The following CNTN4 variants were observed in gnomAD, a reference collection of about 807,000 sequenced individuals.
CNTN4 encodes the protein contactin-4.
A neutral mutation model predicts 122.5 loss-of-function variants in CNTN4; 77 were observed. That is an observed-to-expected ratio of 0.63 (90% confidence interval 0.52 to 0.76). CNTN4 has a LOEUF of 0.76. CNTN4 is among the 30% of genes least tolerant of loss of function. The probability of loss-of-function intolerance (pLI) is 0.00; values close to 1 mark genes in which losing one functional copy is unlikely to be tolerated. For synonymous variants in CNTN4, 512 were observed against 447.0 expected (o/e 1.15, Z -1.83); for missense variants, 1,256 against 1,259.1 (o/e 1.00, Z 0.04).
At chr3:2,435,219 C>T (rs1453922507) in intron 3 of CNTN4, among the ~76,000 whole-genome samples, 1 of 152,082 alleles carries the variant, frequency 6.6e-6, no homozygotes, top group Admixed American at 6.6e-5. Flanking sequence ...ACAGTCATCC[C>T]TCAGTGTCTG....
intron 4 of CNTN4, among the ~76,000 whole-genome samples, chr3:2,670,883 T>G (rs1006070472): frequency 3.6e-4 from 55 of 152,306 alleles, no homozygotes; most frequent in Admixed American, 7.8e-4. Context: ...GAAATTCTGG[T>G]TTGAAAATTC....
chr3:3,053,938 C>T lies in CNTN4; in HGVS notation c.2943C>T (p.Gly981=), dbSNP rs764570000. The change falls in exon 24 of 25, where the codon GGC becomes GGT. Residue 981 remains glycine (G), a synonymous_variant. Coordinates refer to ENST00000418658, the MANE Select transcript of CNTN4 (RefSeq NM_175607.3). ...EIKPFSDGGD[G]SSSEQIRIPK... Reference sequence around the variant, plus strand: ...AGCCATTCAGCGACGGAGGAGATGGCAGCAGCAGTGAACAAATTCGAATTC... The same window carrying T: ...AGCCATTCAGCGACGGAGGAGATGGTAGCAGCAGTGAACAAATTCGAATTC... The T allele has an allele frequency of 5.0e-6, 8 of 1,614,156 alleles. No homozygotes were observed. The highest frequency in any genetic ancestry group is 6.8e-6 in the Non-Finnish European group (8 of 1,179,988).
At chr3:2,721,570 T>G (rs2087854792) in intron 4 of CNTN4, among the ~76,000 whole-genome samples, 1 of 152,152 alleles carries the variant, frequency 6.6e-6, no homozygotes, top group African/African-American at 2.4e-5. Context: ...TACTGCTGTG[T>G]GCATATGTGA....
intron 12 of CNTN4, among the ~76,000 whole-genome samples, chr3:2,907,519 G>A (rs1274248012): frequency 6.6e-6 from 1 of 150,406 alleles, no homozygotes; most frequent in East Asian, 2.0e-4. Flanking sequence ...GTTGCAGTCA[G>A]CTAAGATTGC....
At chr3:2,420,483 T>A (rs1427090665) in intron 3 of CNTN4, among the ~76,000 whole-genome samples, 1 of 152,076 alleles carries the variant, frequency 6.6e-6, no homozygotes, top group East Asian at 1.9e-4. Flanking sequence ...TCCCCCAGGC[T>A]GGAGTCCAGT....
chr3:2,839,158 G>C (rs889191141), intron 7 of CNTN4, among the ~76,000 whole-genome samples: 1 of 152,064 alleles, frequency 6.6e-6, no homozygotes, highest in African/African-American at 2.4e-5. Flanking sequence ...GGAAATAGAG[G>C]CCAATTATTT....
intron 4 of CNTN4, among the ~76,000 whole-genome samples, chr3:2,650,365 C>T (rs1296505715): frequency 6.6e-6 from 1 of 152,072 alleles, no homozygotes; most frequent in Non-Finnish European, 1.5e-5. Context: ...AAGCAAATAA[C>T]ATGGTTTCTT....
chr3:2,933,684 T>C (rs9867866), intron 13 of CNTN4, among the ~76,000 whole-genome samples: 104,392 of 151,972 alleles, frequency 0.69, 36,089 homozygotes, highest in Middle Eastern at 0.77. Context: ...TCTATTGGGC[T>C]TTCTGTATAT....
chr3:2,924,950 A>C (rs970792931), intron 12 of CNTN4, among the ~76,000 whole-genome samples: 4 of 152,206 alleles, frequency 2.6e-5, no homozygotes, highest in African/African-American at 9.6e-5. Context: ...TTAAAAAAAA[A>C]AATCTTATGG....
chr3:2,508,840 G>A lies in CNTN4; in HGVS notation c.-88-62576G>A, dbSNP rs544935627. Among the ~76,000 whole-genome samples the A allele has an allele frequency of 2.0e-3, 307 of 151,844 alleles. 2 individuals are homozygous for A. The highest frequency in any genetic ancestry group is 3.4e-3 in the Middle Eastern group (1 of 294). ...TATATTTATTTGGACTTTAATGTTGGCTATGCCCTTTAATGAAAAAAAATC... is the reference window on the plus strand; with the variant it reads ...TATATTTATTTGGACTTTAATGTTGACTATGCCCTTTAATGAAAAAAAATC... On this transcript the variant is annotated intron_variant, in intron 3 of 24. Transcript: ENST00000418658.
At chr3:3,017,510 G>C (rs1367630982) in intron 14 of CNTN4, among the ~76,000 whole-genome samples, 1 of 152,182 alleles carries the variant, frequency 6.6e-6, no homozygotes, top group Non-Finnish European at 1.5e-5. Context: ...TCAGGACTTG[G>C]AGCTGAGCTC....
intron 6 of CNTN4, among the ~76,000 whole-genome samples, chr3:2,780,726 G>T (rs77219118): frequency 0.066 from 10,021 of 152,234 alleles, 411 homozygotes; most frequent in African/African-American, 0.1. Flanking sequence ...ACATACGCAT[G>T]CCCTTAAAAT....
chr3:2,225,931 T>C (rs2039265221), intron 2 of CNTN4, among the ~76,000 whole-genome samples: 6 of 152,202 alleles, frequency 3.9e-5, no homozygotes. Flanking sequence ...GATTCTGCAC[T>C]ATAGCTTTTC....
intron 2 of CNTN4, among the ~76,000 whole-genome samples, chr3:2,203,092 C>T (rs2038174959): frequency 6.6e-6 from 1 of 151,910 alleles, no homozygotes. Flanking sequence ...CCTCAGCCTC[C>T]GAAAGTGCTG....
chr3:2,727,897 C>T (rs1292906144), intron 4 of CNTN4, among the ~76,000 whole-genome samples: 2 of 152,182 alleles, frequency 1.3e-5, no homozygotes, highest in Non-Finnish European at 2.9e-5. Flanking sequence ...AAGGCGGAAG[C>T]AATGACAAAT....
chr3:2,144,002 C>T (rs2035127599), intron 2 of CNTN4: 1 of 152,192 alleles, frequency 6.6e-6, no homozygotes, highest in African/African-American at 2.4e-5. Context: ...GATTCTGAGC[C>T]TCCTTTCTGG....
At chr3:2,971,369 T>TATAC (rs1692913229) in intron 13 of CNTN4, among the ~76,000 whole-genome samples, 1 of 149,756 alleles carries the variant, frequency 6.7e-6, no homozygotes, top group Non-Finnish European at 1.5e-5. Context: ...TCTATCTATC[T>TATAC]ATATATATAT....
intron 3 of CNTN4, among the ~76,000 whole-genome samples, chr3:2,416,998 G>C (rs911228031): frequency 1.8e-4 from 27 of 152,268 alleles, no homozygotes; most frequent in African/African-American, 6.0e-4. Flanking sequence ...TTGTTTAGCA[G>C]AAGTCTCACA....
chr3:2,340,685 T>TTATATA lies in CNTN4; in HGVS notation c.-89+1473_-89+1478dup, dbSNP rs373402290. Among the ~76,000 whole-genome samples, 81 of 29,624 alleles carry TTATATA rather than the reference T, an allele frequency of 2.7e-3. 2 individuals carry two copies. Among genetic ancestry groups the TTATATA allele is most frequent in the African/African-American group, 5.2e-3 (67 of 13,008 alleles). 19.4% of individuals were successfully genotyped at this position (29,624 alleles called of 152,430 possible). A position where few individuals can be genotyped will look rare whatever the true frequency, so the allele number is the denominator to read the frequency against. On this transcript the variant is annotated intron_variant, in intron 3 of 24. Transcript: ENST00000418658. ...ACAGAGCAAGACCTTGTCATAAATT[T>TTATATA]TATATATATATATATATATATATAT...
Sources: allele counts gnomAD v4.1 joint callset (sites outside exome capture counted in the v4.1 genomes callset), GRCh38; gene constraint gnomAD v4.1.1; transcripts MANE v1.5; gene names NCBI Gene and HGNC (gene_info 2026-07-23, HGNC 2026-07-21).